FAM135A: variants seen among roughly 807,000 people sequenced by gnomAD.
FAM135A encodes protein FAM135A.
A neutral mutation model predicts 146.8 loss-of-function variants in FAM135A; 79 were observed. That is an observed-to-expected ratio of 0.54 (90% CI 0.45 to 0.65). The LOEUF (loss-of-function observed/expected upper bound fraction) is 0.65. Ranked by LOEUF, FAM135A falls within the 30% of genes least tolerant of loss-of-function variation. The probability of loss-of-function intolerance (pLI) is 0.00; values close to 1 mark genes in which losing one functional copy is unlikely to be tolerated. For missense variants in FAM135A, 1,623 were observed against 1,758.2 expected, an observed-to-expected ratio of 0.92 and a Z score of 1.38; for synonymous variants, 562 against 603.6, an observed-to-expected ratio of 0.93 and a Z score of 1.01.
At chr6:70,542,840 C>G (rs1190131645) in intron 20 of FAM135A, among the ~76,000 whole-genome samples, 1 of 152,234 alleles carries the variant, frequency 6.6e-6, no homozygotes, top group East Asian at 1.9e-4. Flanking sequence ...CTCTCAATTA[C>G]TCCTTTGAAA....
intron 5 of FAM135A, 142 bp from the exon 6 acceptor site, chr6:70,475,268 G>C (rs1782400601): frequency 1.6e-6 from 1 of 609,866 alleles, no homozygotes; most frequent in Non-Finnish European, 2.6e-6. Flanking sequence ...TAAACTTTCA[G>C]AAATGTTCCA....
intron 2 of FAM135A, among the ~76,000 whole-genome samples, chr6:70,420,412 A>G (rs970194943): frequency 3.9e-5 from 6 of 152,154 alleles, no homozygotes; most frequent in African/African-American, 9.7e-5. Context: ...GTAGTTAGCT[A>G]TTGTTTTAGG....
intron 20 of FAM135A, among the ~76,000 whole-genome samples, chr6:70,544,149 G>A (rs906473976): frequency 6.6e-6 from 1 of 152,152 alleles, no homozygotes; most frequent in Non-Finnish European, 1.5e-5. Flanking sequence ...TAAGCTAGGT[G>A]CGGAAATATC....
chr6:70,516,157 A>T (rs1792157255), intron 12 of FAM135A, among the ~76,000 whole-genome samples: 1 of 152,164 alleles, frequency 6.6e-6, no homozygotes, highest in Non-Finnish European at 1.5e-5. Flanking sequence ...GTCTCAGTTG[A>T]CATTAAAATA....
intron 12 of FAM135A, among the ~76,000 whole-genome samples, chr6:70,517,415 CTTT>C (rs746307665): frequency 6.3e-5 from 8 of 127,074 alleles, no homozygotes; most frequent in African/African-American, 9.0e-5. Flanking sequence ...CGTCTTTTTC[CTTT>C]TTTTTTTTTT....
In FAM135A at chr6:70,475,647, T is replaced by G; in HGVS notation, c.298-16T>G. ...TAAAATTTCAAAAAGTATCTCATAG[T>G]GTAATTTCTTTTCAGATTGAAGAAA... On this transcript the variant is annotated splice_polypyrimidine_tract_variant and intron_variant, in intron 6 of 21. Transcript: ENST00000418814. 6 of 1,603,506 alleles carry G rather than the reference T, an allele frequency of 3.7e-6. No homozygotes were observed. Among genetic ancestry groups the G allele is most frequent in the Non-Finnish European group, 5.1e-6 (6 of 1,174,518 alleles).
At chr6:70,484,222 G>T (rs1177817278) in intron 10 of FAM135A, among the ~76,000 whole-genome samples, 1 of 152,128 alleles carries the variant, frequency 6.6e-6, no homozygotes, top group East Asian at 1.9e-4. Flanking sequence ...TCAGCATTGG[G>T]ATGGGAAGGA....
chr6:70,500,348 C>G (rs1788212034), intron 11 of FAM135A, among the ~76,000 whole-genome samples: 2 of 152,156 alleles, frequency 1.3e-5, no homozygotes, highest in South Asian at 2.1e-4. Flanking sequence ...TTATGTTCCT[C>G]TCTAAACTGG....
intron 11 of FAM135A, among the ~76,000 whole-genome samples, chr6:70,499,086 C>T (rs1787944107): frequency 6.6e-6 from 1 of 152,070 alleles, no homozygotes; most frequent in Non-Finnish European, 1.5e-5. Flanking sequence ...TTTAAAGACT[C>T]CTACTATTAT....
intron 5 of FAM135A, among the ~76,000 whole-genome samples, chr6:70,454,177 T>C (rs1562450611): frequency 6.6e-6 from 1 of 152,262 alleles, no homozygotes; most frequent in African/African-American, 2.4e-5. Flanking sequence ...CATTTTTTCA[T>C]GTGTCTGTTG....
intron 11 of FAM135A, among the ~76,000 whole-genome samples, chr6:70,492,022 G>GT (rs1454655130): frequency 6.6e-6 from 1 of 151,876 alleles, no homozygotes; most frequent in East Asian, 1.9e-4. Flanking sequence ...ATTTAAGCTT[G>GT]TTTTTAAAAT....
intron 10 of FAM135A, among the ~76,000 whole-genome samples, chr6:70,484,187 A>G (rs1418993767): frequency 6.6e-6 from 1 of 152,196 alleles, no homozygotes; most frequent in East Asian, 1.9e-4. Flanking sequence ...CTCTCCTCTC[A>G]CAGCAACAGT....
chr6:70,533,268 T>C lies in FAM135A; in HGVS notation c.3867+17T>C, dbSNP rs377114154. On this transcript the variant is annotated intron_variant, in intron 17 of 21. Transcript: ENST00000418814. Reference sequence around the variant, plus strand: ...AGAAATCAGGTACAATATGACAGTGTTTTCAGTGAAAACAAACATTTTTGT... The same window carrying C: ...AGAAATCAGGTACAATATGACAGTGCTTTCAGTGAAAACAAACATTTTTGT... 245 of 1,591,930 alleles carry C rather than the reference T, an allele frequency of 1.5e-4. 1 individual carries two copies. The Middle Eastern group carries it at 2.0e-3, about 13-fold the overall frequency.
intron 5 of FAM135A, among the ~76,000 whole-genome samples, chr6:70,454,326 G>C (rs1285935426): frequency 6.6e-6 from 1 of 152,170 alleles, no homozygotes. Flanking sequence ...CAGATGGGTA[G>C]ATTGCAAGAA....
intron 19 of FAM135A, 35 bp from the exon 20 acceptor site, chr6:70,538,256 C>A: frequency 8.4e-7 from 1 of 1,188,422 alleles, no homozygotes. Context: ...TTATATATTT[C>A]ATTTCATACT....
intron 4 of FAM135A, among the ~76,000 whole-genome samples, chr6:70,437,884 T>C (rs1251582207): frequency 1.3e-5 from 2 of 152,122 alleles, no homozygotes; most frequent in Non-Finnish European, 2.9e-5. Flanking sequence ...TAATAAAACA[T>C]GGAACGGGAG....
intron 16 of FAM135A, among the ~76,000 whole-genome samples, chr6:70,530,303 G>A (rs1795555011): frequency 6.6e-6 from 1 of 152,018 alleles, no homozygotes; most frequent in Non-Finnish European, 1.5e-5. Flanking sequence ...GATCTCAATA[G>A]GATTAGTCTA....
At chr6:70,451,962 G>A (rs1375244334) in intron 4 of FAM135A, among the ~76,000 whole-genome samples, 1 of 150,370 alleles carries the variant, frequency 6.7e-6, no homozygotes, top group Middle Eastern at 3.5e-3. Context: ...TTAAATATAT[G>A]TATGCTATTT....
At chr6:70,415,484 G>T (rs891870907) in intron 2 of FAM135A, 108 bp downstream of exon 2, 1 of 152,126 alleles carries the variant, frequency 6.6e-6, no homozygotes, top group East Asian at 1.9e-4. Context: ...GGAGGCTCTG[G>T]TGTCATCAAA....
Sources: gnomAD v4.1 joint callset for allele counts (sites outside exome capture counted in the v4.1 genomes callset) on GRCh38, gnomAD v4.1.1 for gene constraint, MANE v1.5 for transcripts, NCBI Gene and HGNC (gene_info 2026-07-23, HGNC 2026-07-21) for gene names.